Variants in ANKRD44 observed in about 807,000 individuals in gnomAD.
ANKRD44 encodes the protein ankyrin repeat domain 44.
In ANKRD44, 35 loss-of-function variants were observed where a neutral mutation model predicts 116.0. The ratio of observed to expected loss-of-function variants is 0.30; its 90% CI spans 0.23 to 0.40. ANKRD44 has a LOEUF of 0.40. ANKRD44 is among the 10% of genes least tolerant of loss of function. The probability of loss-of-function intolerance (pLI) is 1.00; values close to 1 mark genes in which losing one functional copy is unlikely to be tolerated. For missense variants in ANKRD44, 1,014 were observed against 1,242.6 expected, an observed-to-expected ratio of 0.82 and a Z score of 2.77; for synonymous variants, 435 against 461.8, an observed-to-expected ratio of 0.94 and a Z score of 0.74.
At chr2:197,141,665 G>T (rs55662006) in intron 3 of ANKRD44, among the ~76,000 whole-genome samples, 139,778 of 152,018 alleles carry the variant, frequency 0.92, 64,729 homozygotes, top group East Asian at 1. Flanking sequence ...CAGTGTTTAA[G>T]TCCTCCATTC....
At chr2:197,288,870 T>C (rs944124550) in intron 1 of ANKRD44, among the ~76,000 whole-genome samples, 2 of 152,064 alleles carry the variant, frequency 1.3e-5, no homozygotes, top group Non-Finnish European at 2.9e-5. Flanking sequence ...ACCCAGAGGA[T>C]AGAATAACAG....
In ANKRD44 at chr2:197,136,591, C is replaced by G. The variant is rs752819877; in HGVS notation, c.261+1G>C. ...TTAGATTAAATATGGTAATCACTCA[C>G]TTCACTTCTGGAAGCAACAGCCCGG... is the stretch of plus-strand genomic sequence containing the variant. On this transcript the variant is annotated splice_donor_variant, in intron 4 of 27. Coordinates refer to ENST00000282272, the MANE Select transcript of ANKRD44 (RefSeq NM_001195144.2). LOFTEE classifies it high-confidence loss of function. 6.2e-7 allele frequency: 1 copy of G among 1,613,890 alleles called. No homozygotes were observed.
At chr2:197,181,599 GA>G (rs1301855242) in intron 2 of ANKRD44, among the ~76,000 whole-genome samples, 1 of 151,956 alleles carries the variant, frequency 6.6e-6, no homozygotes, top group Non-Finnish European at 1.5e-5. Flanking sequence ...AGACTCAAAG[GA>G]AAAAAAGTGC....
chr2:197,190,281 G>C (rs747497994), intron 1 of ANKRD44, among the ~76,000 whole-genome samples: 31 of 152,268 alleles, frequency 2.0e-4, no homozygotes, highest in Non-Finnish European at 4.0e-4. Flanking sequence ...AAAAGCAGCT[G>C]TTCTCCACAT....
At chr2:197,118,791 T>G (rs542656323) in intron 8 of ANKRD44, among the ~76,000 whole-genome samples, 1 of 152,304 alleles carries the variant, frequency 6.6e-6, no homozygotes, top group East Asian at 1.9e-4. Context: ...ACCATAACAT[T>G]TTAGCATTAA....
rs1414227313 is a variant in ANKRD44, at chr2:196,993,631, C to T, written c.2875G>A (p.Glu959Lys). The change falls in exon 27 of 28, where the codon GAG (glutamate) becomes AAG (lysine). Residue 959 changes from glutamate to lysine, a missense_variant. Transcript: ENST00000282272. ...AARNGLKVVV[E>K]ELLAKGACVL... ...CAGGCCCCTTTGGCCAGCAACTCCT[C>T]AACTACCACCTTTAAGCCATTGCGC... 7.1e-6 allele frequency: 11 copies of T among 1,551,078 alleles called. No individual in the cohort carries two copies. The highest frequency in any genetic ancestry group is 8.7e-6 in the Non-Finnish European group (10 of 1,147,086).
chr2:197,075,088 T>A lies in ANKRD44; in HGVS notation c.1650+3615A>T, dbSNP rs145752845. On this transcript the variant is annotated intron_variant, in intron 16 of 27. Coordinates refer to ENST00000282272, the MANE Select transcript of ANKRD44 (RefSeq NM_001195144.2). ...GAGAAGCAGCCAAATTCCAAGTGAT[T>A]TGGCATGAAAAAATCTCAGCCTGAA... is the stretch of plus-strand genomic sequence containing the variant. 2.5e-3 allele frequency among the ~76,000 whole-genome samples: 380 copies of A among 152,248 alleles called. 1 individual carries two copies. The highest frequency in any genetic ancestry group is 0.016 in the East Asian group (85 of 5,172).
intron 2 of ANKRD44, among the ~76,000 whole-genome samples, chr2:197,150,573 A>G (rs913922289): frequency 6.6e-6 from 1 of 152,144 alleles, no homozygotes; most frequent in Admixed American, 6.5e-5. Context: ...AAATGAAAGC[A>G]AGAGCATCTT....
At chr2:196,985,035 C>G (rs941529295), downstream of ANKRD44, among the ~76,000 whole-genome samples, 1 of 152,358 alleles carries the variant, frequency 6.6e-6, no homozygotes, top group South Asian at 2.1e-4. Context: ...TGCTCTTTGT[C>G]TCCCTGGCTT....
At chr2:197,178,204 C>T (rs909990463) in intron 2 of ANKRD44, among the ~76,000 whole-genome samples, 3 of 152,188 alleles carry the variant, frequency 2.0e-5, no homozygotes, top group African/African-American at 7.2e-5. Context: ...CAGTGGCTCA[C>T]ACCTATAATT....
intron 1 of ANKRD44, among the ~76,000 whole-genome samples, chr2:197,289,014 C>T (rs914815065): frequency 3.3e-5 from 5 of 152,164 alleles, no homozygotes; most frequent in Admixed American, 6.5e-5. Context: ...TTATACCTAG[C>T]AACAATATTT....
intron 1 of ANKRD44, among the ~76,000 whole-genome samples, chr2:197,254,018 T>C (rs978653708): frequency 6.6e-6 from 1 of 152,222 alleles, no homozygotes; most frequent in African/African-American, 2.4e-5. Flanking sequence ...AATTCTGTAA[T>C]ACACAAGCAG....
At chr2:197,188,476 T>A (rs879839905) in intron 1 of ANKRD44, among the ~76,000 whole-genome samples, 18 of 152,202 alleles carry the variant, frequency 1.2e-4, no homozygotes, top group Non-Finnish European at 2.1e-4. Context: ...GATGTTGGGC[T>A]TGCCTGCATG....
chr2:197,260,571 G>C (rs1044609923), intron 1 of ANKRD44, among the ~76,000 whole-genome samples: 1 of 152,004 alleles, frequency 6.6e-6, no homozygotes, highest in African/African-American at 2.4e-5. Flanking sequence ...ATAGCAGCAT[G>C]ATTTATAATC....
At chr2:197,015,213 G>C (rs764735705) in intron 17 of ANKRD44, 18 of 314,944 alleles carry the variant, frequency 5.7e-5, no homozygotes, top group Admixed American at 4.2e-4. Context: ...CCAGAGAGCT[G>C]TTTCTAGGGA....
rs547267717 is a variant in ANKRD44, at chr2:197,101,231, C to CT, written c.986-1302dup. Among the ~76,000 whole-genome samples, 165 of 146,090 alleles carry CT rather than the reference C, an allele frequency of 1.1e-3. 1 individual carries two copies. The highest frequency in any genetic ancestry group is 3.4e-3 in the African/African-American group (134 of 39,966). ...TGTTAATCCAAAACAATCCTCCTGG[C>CT]TTTTTTTTTTTAAGTTTCTCATGTC... is the stretch of plus-strand genomic sequence containing the variant. On this transcript the variant is annotated intron_variant, in intron 9 of 27. Transcript: ENST00000282272.
chr2:197,114,692 C>G (rs1431530168), intron 8 of ANKRD44, among the ~76,000 whole-genome samples: 1 of 152,112 alleles, frequency 6.6e-6, no homozygotes, highest in Non-Finnish European at 1.5e-5. Context: ...TGGTACACCC[C>G]TGGGGTCACA....
intron 1 of ANKRD44, among the ~76,000 whole-genome samples, chr2:197,251,611 T>C (rs766927003): frequency 1.3e-5 from 2 of 152,250 alleles, no homozygotes; most frequent in Non-Finnish European, 2.9e-5. Context: ...TGTTTTTCTA[T>C]AGGCATGCTT....
rs971460496 is a variant in ANKRD44 at position 196,990,710 on chromosome 2, A to T, written c.2924-1061T>A. On this transcript the variant is annotated intron_variant, in intron 27 of 27. Transcript: ENST00000282272. The stretch of plus-strand genomic sequence containing the variant: ...ACGTTTCCGAATCAGAATCATTTTC[A>T]TTGTACCCATCCTCCGAGCCTACGT... 2.4e-6 allele frequency: 3 copies of T among 1,232,094 alleles called. No homozygotes were observed. The African/African-American group carries it at 4.7e-5, about 19-fold the overall frequency. 76.3% of individuals were successfully genotyped at this position (1,232,094 alleles called of 1,614,324 possible).
Sources: allele counts gnomAD v4.1 joint callset (sites outside exome capture counted in the v4.1 genomes callset), GRCh38; gene constraint gnomAD v4.1.1; transcripts MANE v1.5; gene names NCBI Gene and HGNC (gene_info 2026-07-23, HGNC 2026-07-21).